The following UBE2L3 variants were observed in gnomAD, a reference collection of about 807,000 sequenced individuals.
The protein encoded by UBE2L3 is ubiquitin-conjugating enzyme E2 L3.
A neutral mutation model predicts 17.8 loss-of-function variants in UBE2L3; 1 was observed. The observed-to-expected ratio is 0.06, with a 90% CI of 0.02 to 0.27. The LOEUF (loss-of-function observed/expected upper bound fraction) is 0.27. UBE2L3 is among the 10% of genes least tolerant of loss of function. UBE2L3 has a pLI of 1.00. For missense variants in UBE2L3, 40 were observed against 192.6 expected, an observed-to-expected ratio of 0.21 and a Z score of 4.69; for synonymous variants, 44 against 68.5, an observed-to-expected ratio of 0.64 and a Z score of 1.76.
At position 21,587,819 on chromosome 22, in the gene UBE2L3, G is replaced by A. The variant is rs922082496; in HGVS notation, c.28-5042G>A. Among the ~76,000 whole-genome samples the A allele has an allele frequency of 1.3e-5, 2 of 152,294 alleles. 1 individual carries two copies. Among genetic ancestry groups the A allele is most frequent in the South Asian group, 4.1e-4 (2 of 4,826 alleles). On this transcript the variant is annotated intron_variant, in intron 1 of 3. Coordinates refer to ENST00000342192, the MANE Select transcript of UBE2L3 (RefSeq NM_003347.4). Reference sequence around the variant, plus strand: ...TGCTTCACACTTTGCCCTGGAGTGGGCATCAAGCTCTCTGGGGTTGAGTTT... The same window carrying A: ...TGCTTCACACTTTGCCCTGGAGTGGACATCAAGCTCTCTGGGGTTGAGTTT...
At chr22:21,573,350 TGC>T (rs910382329) in intron 1 of UBE2L3, among the ~76,000 whole-genome samples, 3 of 152,140 alleles carry the variant, frequency 2.0e-5, no homozygotes, top group African/African-American at 4.8e-5. Context: ...CAGCATGCTT[TGC>T]ACACACACTC....
chr22:21,605,678 G>C (rs1417198816), intron 2 of UBE2L3, among the ~76,000 whole-genome samples: 1 of 152,096 alleles, frequency 6.6e-6, no homozygotes, highest in Non-Finnish European at 1.5e-5. Context: ...GCTAATTTTT[G>C]TATTTTTAGT....
chr22:21,564,128 C>T (rs1258563619), upstream of UBE2L3, among the ~76,000 whole-genome samples: 3 of 151,644 alleles, frequency 2.0e-5, no homozygotes, highest in African/African-American at 4.9e-5. Flanking sequence ...GTCACTCTCC[C>T]GGGCCCAAGT....
intron 1 of UBE2L3, among the ~76,000 whole-genome samples, chr22:21,585,503 G>T (rs1165056935): frequency 6.6e-6 from 1 of 152,120 alleles, no homozygotes; most frequent in African/African-American, 2.4e-5. Flanking sequence ...GTGACTTCAG[G>T]CCACCAGTTC....
intron 1 of UBE2L3, among the ~76,000 whole-genome samples, chr22:21,559,051 T>C (rs1926339243): frequency 1.3e-5 from 2 of 151,422 alleles, no homozygotes; most frequent in Middle Eastern, 3.2e-3. Context: ...TTCTCACCTA[T>C]GAAATAAAAG....
intron 1 of UBE2L3, among the ~76,000 whole-genome samples, chr22:21,560,522 C>T (rs576428534): frequency 6.3e-5 from 9 of 143,154 alleles, no homozygotes; most frequent in Non-Finnish European, 9.0e-5. Flanking sequence ...GCAATCTTGG[C>T]TCACTGTAAC....
intron 3 of UBE2L3, among the ~76,000 whole-genome samples, chr22:21,617,323 G>A (rs899760352): frequency 1.3e-5 from 2 of 152,000 alleles, no homozygotes; most frequent in Admixed American, 1.3e-4. Flanking sequence ...CTGGAGTGCA[G>A]TGGCATAATC....
chr22:21,564,850 A>G (rs1340433374), upstream of UBE2L3, among the ~76,000 whole-genome samples: 1 of 152,184 alleles, frequency 6.6e-6, no homozygotes. Context: ...CTGTGCTCAC[A>G]GTAGACCCCA....
chr22:21,608,554 G>C (rs1929299149), intron 2 of UBE2L3, among the ~76,000 whole-genome samples: 1 of 152,014 alleles, frequency 6.6e-6, no homozygotes, highest in South Asian at 2.1e-4. Flanking sequence ...CTCCCAAGTA[G>C]CTGGACTACA....
At chr22:21,566,008 T>C (rs1373361215), upstream of UBE2L3, among the ~76,000 whole-genome samples, 1 of 147,064 alleles carries the variant, frequency 6.8e-6, no homozygotes, top group Non-Finnish European at 1.5e-5. Flanking sequence ...AGTCTCACTC[T>C]GTCGCCCAGG....
chr22:21,564,959 C>G (rs111820660), upstream of UBE2L3, among the ~76,000 whole-genome samples: 236 of 152,088 alleles, frequency 1.6e-3, 1 homozygote, highest in African/African-American at 5.3e-3. Flanking sequence ...AGTGTACTGG[C>G]CTTGGGGGAG....
chr22:21,585,036 C>T (rs1043753076), intron 1 of UBE2L3, among the ~76,000 whole-genome samples: 1 of 152,230 alleles, frequency 6.6e-6, no homozygotes, highest in East Asian at 1.9e-4. Context: ...AACTTTTTAA[C>T]GTTTGAAGAC....
intron 1 of UBE2L3, among the ~76,000 whole-genome samples, chr22:21,573,342 G>A (rs1927088740): frequency 6.6e-6 from 1 of 152,060 alleles, no homozygotes; most frequent in Non-Finnish European, 1.5e-5. Context: ...CCTAAAAACA[G>A]CATGCTTTGC....
chr22:21,584,178 ATT>A (rs374588807), intron 1 of UBE2L3, among the ~76,000 whole-genome samples: 1,765 of 132,716 alleles, frequency 0.013, 89 homozygotes, highest in South Asian at 0.13. Context: ...TCTGGCCTAA[ATT>A]TTTTTTTTTT....
At chr22:21,600,003 A>G (rs999106713) in intron 2 of UBE2L3, among the ~76,000 whole-genome samples, 2 of 152,232 alleles carry the variant, frequency 1.3e-5, no homozygotes, top group Non-Finnish European at 2.9e-5. Context: ...GAAAGATTGG[A>G]AAACCAGTTC....
chr22:21,601,879 G>A (rs1206289819), intron 2 of UBE2L3, among the ~76,000 whole-genome samples: 2 of 151,638 alleles, frequency 1.3e-5, no homozygotes, highest in Non-Finnish European at 2.9e-5. Flanking sequence ...GGTTGAGGCA[G>A]GAGAATGGCG....
intron 1 of UBE2L3, among the ~76,000 whole-genome samples, chr22:21,583,366 A>C (rs556765859): frequency 1.2e-4 from 18 of 152,288 alleles, no homozygotes; most frequent in African/African-American, 4.3e-4. Flanking sequence ...CAGCCAAGAA[A>C]AGTGGCCTTA....
At chr22:21,599,743 AGGCCTGAC>A (rs1453303726) in intron 2 of UBE2L3, among the ~76,000 whole-genome samples, 1 of 152,210 alleles carries the variant, frequency 6.6e-6, no homozygotes, top group African/African-American at 2.4e-5. Context: ...TGTGCAGCAG[AGGCCTGAC>A]GGCATCCTGG....
chr22:21,563,645 C>T (rs1467481539), upstream of UBE2L3, among the ~76,000 whole-genome samples: 18 of 142,718 alleles, frequency 1.3e-4, no homozygotes, highest in Admixed American at 3.5e-4. Flanking sequence ...GGTGTGATCT[C>T]GGCTCACTGC....
Sources: allele counts gnomAD v4.1 joint callset (sites outside exome capture counted in the v4.1 genomes callset), GRCh38; gene constraint gnomAD v4.1.1; transcripts MANE v1.5; gene names NCBI Gene and HGNC (gene_info 2026-07-23, HGNC 2026-07-21).